Variants in GPT observed in about 807,000 individuals in gnomAD.
GPT encodes the protein alanine aminotransferase 1.
A neutral mutation model predicts 51.4 loss-of-function variants in GPT; 60 were observed. That is an observed-to-expected ratio of 1.17 (90% CI 0.95 to 1.45). GPT has a LOEUF of 1.45. GPT is among the 40% of genes most tolerant of loss of function. The pLI is 0.00. For synonymous variants in GPT, 397 were observed against 303.1 expected (o/e 1.31, Z -3.22); for missense variants, 853 against 704.0 (o/e 1.21, Z -2.40).
chr8:144,506,345 TG>T lies in GPT; in HGVS notation c.1071del (p.Leu358TrpfsTer111). ...TGCCCGCCGGTGCCAGGACAGGCCC[TG>T]CTGGACCTGGTGGTCAGCCCGCCCG... Reference protein sequence around the residue: ...RLCPPVPGQALLDLVVSPPAP... With the variant: ...RLCPPVPGQAXLDLVVSPPAP... On this transcript the variant is annotated frameshift_variant, in exon 8 of 11. Coordinates refer to ENST00000394955, the MANE Select transcript of GPT (RefSeq NM_005309.3). LOFTEE classifies it high-confidence loss of function. This position sits in a 1 kb window ranked among gnomAD's most constrained non-coding sequence, Gnocchi z 7.0. 4 of 1,577,730 alleles carry T rather than the reference TG, an allele frequency of 2.5e-6. No individual in the cohort carries two copies. The highest frequency in any genetic ancestry group is 3.4e-6 in the Non-Finnish European group (4 of 1,165,730).
At position 144,506,714 on chromosome 8, in the gene GPT, C is replaced by T. The variant is rs146152870; in HGVS notation, c.1288-17C>T. On this transcript the variant is annotated splice_polypyrimidine_tract_variant and intron_variant, in intron 9 of 10. Coordinates refer to ENST00000394955, the MANE Select transcript of GPT (RefSeq NM_005309.3). The surrounding 1 kb of genome is among the most constrained non-coding windows in gnomAD (Gnocchi z 7.0). ...GGGGGGGCCGGGCATCCCTCTCTGA[C>T]GGCTCTCCGTCCACAGGAGCTGGGC... 2.4e-3 allele frequency: 3,834 copies of T among 1,608,680 alleles called. 79 individuals are homozygous for T. The African/African-American group carries it at 0.043, about 18-fold the overall frequency.
chr8:144,504,719 A>AC (rs762936318), intron 2 of GPT, 26 bp downstream of exon 2: 92 of 1,604,488 alleles, frequency 5.7e-5, no homozygotes, highest in Middle Eastern at 1.6e-4. Context: ...TGCCCGGAGC[A>AC]CCCCCCCACC....
In GPT at chr8:144,506,300, A is replaced by G; in HGVS notation, c.1025A>G (p.Lys342Arg). 1 of 1,593,344 alleles carries G rather than the reference A, an allele frequency of 6.3e-7. No homozygotes were observed. The highest frequency in any genetic ancestry group is 1.7e-4 in the Middle Eastern group (1 of 6,038). Residue 342 changes from lysine to arginine, a missense_variant, in exon 8 of 11, where the codon AAG becomes AGG. Coordinates refer to ENST00000394955, the MANE Select transcript of GPT (RefSeq NM_005309.3). The surrounding 1 kb of genome is among the most constrained non-coding windows in gnomAD (Gnocchi z 7.0). ...MDAAVQQQML[K>R]LMSVRLCPPV... ...GCTGCAGTGCAGCAGCAGATGCTGA[A>G]GCTGATGAGTGTGCGGCTGTGCCCG...
Position 144,507,114 on chromosome 8 carries a change from G to GGGGGGGGGGGGGGGGGGGGGGGGCC in GPT, c.*114_*115insGGGGGGGGGGGGGGGGGGGGGGGCC. On this transcript the variant is annotated 3_prime_UTR_variant, in exon 11 of 11. Transcript: ENST00000394955. ...TGCCTGGCGGGGTGGGGTGGGGGGG[G>GGGGGGGGGGGGGGGGGGGGGGGGCC]TGCTGGGCCCCTGCCTCTCTGCAGG... 2 of 498,332 alleles carry GGGGGGGGGGGGGGGGGGGGGGGGCC rather than the reference G, an allele frequency of 4.0e-6. No individual in the cohort carries two copies. Among genetic ancestry groups the GGGGGGGGGGGGGGGGGGGGGGGGCC allele is most frequent in the East Asian group, 5.5e-5 (1 of 18,268 alleles). 30.9% of individuals were successfully genotyped at this position (498,332 alleles called of 1,614,324 possible).
At chr8:144,504,569 GCA>G (rs776341116) in intron 1 of GPT, 33 bp from the exon 2 acceptor site, 14 of 1,609,882 alleles carry the variant, frequency 8.7e-6, no homozygotes, top group Non-Finnish European at 1.1e-5. Flanking sequence ...GTTAGGTAGG[GCA>G]CAGTCTCCCT....
upstream of GPT, among the ~76,000 whole-genome samples, chr8:144,503,284 G>A (rs1003611036): frequency 1.3e-5 from 2 of 152,178 alleles, no homozygotes; most frequent in South Asian, 2.1e-4. Flanking sequence ...TTCGGTGCCC[G>A]ACGCTGGGGT....
Position 144,506,081 on chromosome 8 carries a change from G to A in GPT, c.906G>A (p.Gly302=). Residue 302 remains glycine, a synonymous_variant, in exon 7 of 11, where the codon GGG becomes GGA. Transcript: ENST00000394955. The surrounding 1 kb of genome is among the most constrained non-coding windows in gnomAD (Gnocchi z 7.0). ...VLMEMGPPYA[G]QQELASFHST... is the part of the protein sequence containing the mutation. ...TGGAGATGGGGCCGCCCTACGCCGG[G>A]CAGCAGGAGCTTGCCTCCTTCCACT... The A allele has an allele frequency of 1.2e-6, 2 of 1,612,366 alleles. No individual in the cohort carries two copies. The highest frequency in any genetic ancestry group is 1.7e-6 in the Non-Finnish European group (2 of 1,179,696).
At position 144,504,230 on chromosome 8, in the gene GPT, G is replaced by C; in HGVS notation, c.-75G>C. On this transcript the variant is annotated 5_prime_UTR_variant, in exon 1 of 11. Transcript: ENST00000394955. The stretch of plus-strand genomic sequence containing the variant: ...CTCCCAGCCCTGGCCCACTAAGCCA[G>C]ACCCAGCTGTCGCCATTCCCACTTC... The C allele has an allele frequency of 2.0e-6, 3 of 1,531,690 alleles. No homozygotes were observed. Among genetic ancestry groups the C allele is most frequent in the Non-Finnish European group, 2.7e-6 (3 of 1,132,048 alleles). The allele number at this position is 1,531,690 out of a possible 1,614,324, so 94.9% of individuals were successfully genotyped here.
In GPT at chr8:144,504,669, G is replaced by C. The variant is rs756660977; in HGVS notation, c.228G>C (p.Gln76His). 2.5e-6 allele frequency: 4 copies of C among 1,613,222 alleles called. No homozygotes were observed. Among genetic ancestry groups the C allele is most frequent in the Admixed American group, 1.7e-5 (1 of 60,000 alleles). The change falls in exon 2 of 11, where the codon CAG becomes CAC. Residue 76 changes from glutamine to histidine, a missense_variant. Transcript: ENST00000394955. ...TCGGGGACGCACAGGCTATGGGGCA[G>C]AGGCCCATCACCTTCCTGCGCCAGG... ...ANIGDAQAMG[Q>H]RPITFLRQVL... is the part of the protein sequence containing the mutation.
At chr8:144,503,914 C>T (rs1244334115), upstream of GPT, 6 of 309,178 alleles carry the variant, frequency 1.9e-5, no homozygotes, top group Admixed American at 4.5e-5. Context: ...CTCCCCCTCC[C>T]CCCATGTCTA....
chr8:144,504,168 C>A lies in GPT; in HGVS notation c.-137C>A, dbSNP rs1826668072. ...GAGGCCAGCTGCGGTGAAGAGGGTGCTCTCTTGCCTGGAGTTCCCTCTGCT... is the reference window on the plus strand; with the variant it reads ...GAGGCCAGCTGCGGTGAAGAGGGTGATCTCTTGCCTGGAGTTCCCTCTGCT... On this transcript the variant is annotated 5_prime_UTR_variant, in exon 1 of 11. Coordinates refer to ENST00000394955, the MANE Select transcript of GPT (RefSeq NM_005309.3). 1.1e-6 allele frequency: 1 copy of A among 884,600 alleles called. No homozygotes were observed. The highest frequency in any genetic ancestry group is 1.8e-6 in the Non-Finnish European group (1 of 558,638). The allele number at this position is 884,600 out of a possible 1,614,324, so 54.8% of individuals were successfully genotyped here. A position where few individuals can be genotyped will look rare whatever the true frequency, so the allele number is the denominator to read the frequency against.
In GPT at chr8:144,506,640, C is replaced by A. The variant is rs564073131; in HGVS notation, c.1271C>A (p.Ala424Glu). ...SFPRVQLPPRAVERAQELGLA... is the reference protein window; with the variant it reads ...SFPRVQLPPREVERAQELGLA... The stretch of plus-strand genomic sequence containing the variant: ...CCGCGCGTGCAGCTGCCCCCGCGGG[C>A]GGTGGAGCGCGCTCAGGTCAGGCGG... The change falls in exon 9 of 11, where the codon GCG becomes GAG. Residue 424 changes from alanine to glutamate, a missense_variant. Transcript: ENST00000394955. This position sits in a 1 kb window ranked among gnomAD's most constrained non-coding sequence, Gnocchi z 7.0. The A allele has an allele frequency of 7.9e-7, 1 of 1,262,840 alleles. No homozygotes were observed. The highest frequency in any genetic ancestry group is 5.4e-5 in the East Asian group (1 of 18,518). 78.2% of individuals were successfully genotyped at this position (1,262,840 alleles called of 1,614,324 possible). A position where few individuals can be genotyped will look rare whatever the true frequency, so the allele number is the denominator to read the frequency against.
At chr8:144,505,575 TGCGTTCCCCGCCGCCCCGCCCCACTCCCC>T (rs1826760114) in intron 5 of GPT, 86 bp downstream of exon 5, 1 of 643,072 alleles carries the variant, frequency 1.6e-6, no homozygotes, top group African/African-American at 4.3e-5. Context: ...GCGCCCACGG[TGCGTTCCCCGCCGCCCCGCCCCACTCCCC>T]CCGCGCCCAC....
In GPT at chr8:144,505,476, T is replaced by C. The variant is rs1276379214; in HGVS notation, c.726T>C (p.Pro242=). The C allele has an allele frequency of 7.6e-6, 12 of 1,588,082 alleles. No homozygotes were observed. Among genetic ancestry groups the C allele is most frequent in the Non-Finnish European group, 9.4e-6 (11 of 1,170,166 alleles). Residue 242 remains proline (P), a synonymous_variant, in exon 5 of 11, where the codon CCT becomes CCC. Transcript: ENST00000394955. ...CTCGTGCGCTCTGTGTCATCAACCC[T>C]GGCAACCCCACCGGTGCGTTCCCCG... ...CRPRALCVIN[P]GNPTGQVQTR... is the part of the protein sequence containing the mutation.
At chr8:144,503,607 G>A (rs1826640843), upstream of GPT, 1 of 154,288 alleles carries the variant, frequency 6.5e-6, no homozygotes, top group Non-Finnish European at 1.4e-5. Context: ...GCAGCCTCTG[G>A]GCCATAGCTG....
rs1176721611 is a variant in GPT, at chr8:144,505,577, C to G, written c.739+88C>G. 2.6e-5 allele frequency: 15 copies of G among 567,708 alleles called. No individual in the cohort carries two copies. The African/African-American group carries it at 4.7e-4, about 18-fold the overall frequency. 35.2% of individuals were successfully genotyped at this position (567,708 alleles called of 1,614,324 possible). A position where few individuals can be genotyped will look rare whatever the true frequency, so the allele number is the denominator to read the frequency against. On this transcript the variant is annotated intron_variant, in intron 5 of 10. Transcript: ENST00000394955. ...CCCCACTCCCCCCGCGCCCACGGTGCGTTCCCCGCCGCCCCGCCCCACTCC... is the reference window on the plus strand; with the variant it reads ...CCCCACTCCCCCCGCGCCCACGGTGGGTTCCCCGCCGCCCCGCCCCACTCC...
upstream of GPT, chr8:144,503,241 G>A (rs944465350): frequency 2.6e-5 from 4 of 152,202 alleles, no homozygotes; most frequent in South Asian, 2.1e-4. Flanking sequence ...GCCCTGCTCA[G>A]AGGGCCGGCT....
upstream of GPT, chr8:144,504,044 A>C (rs1047653236): frequency 1.3e-5 from 7 of 553,742 alleles, no homozygotes; most frequent in Non-Finnish European, 2.0e-5. Flanking sequence ...CTGCCACCTC[A>C]CCCACTGCCT....
At position 144,504,700 on chromosome 8, in the gene GPT, C is replaced by A; in HGVS notation, c.252+7C>A. On this transcript the variant is annotated splice_region_variant and intron_variant, in intron 2 of 10. Transcript: ENST00000394955. ...CATCACCTTCCTGCGCCAGGTGAGG[C>A]TCCTGCACTGCCCGGAGCACCCCCC... 1 of 1,612,922 alleles carries A rather than the reference C, an allele frequency of 6.2e-7. No individual in the cohort carries two copies. Among genetic ancestry groups the A allele is most frequent in the Non-Finnish European group, 8.5e-7 (1 of 1,179,602 alleles).
Sources: gnomAD v4.1 joint callset for allele counts (sites outside exome capture counted in the v4.1 genomes callset) on GRCh38, gnomAD v4.1.1 for gene constraint, Gnocchi (gnomAD v3.1) non-coding constraint, MANE v1.5 for transcripts, NCBI Gene and HGNC (gene_info 2026-07-23, HGNC 2026-07-21) for gene names.